RXRA: variants seen among roughly 807,000 people sequenced by gnomAD.
RXRA encodes retinoic acid receptor RXR-alpha.
Under a neutral mutation model 44.5 loss-of-function variants are expected in RXRA, and 5 were observed. The ratio of observed to expected loss-of-function variants is 0.11; its 90% confidence interval spans 0.06 to 0.24. The LOEUF is 0.24. Among genes scored for constraint, RXRA ranks in the 10% least tolerant of loss-of-function variants. The pLI is 1.00. For missense variants in RXRA, 412 were observed against 646.5 expected, an observed-to-expected ratio of 0.64 and a Z score of 3.93; for synonymous variants, 291 against 271.4, an observed-to-expected ratio of 1.07 and a Z score of -0.71.
intron 1 of RXRA, among the ~76,000 whole-genome samples, chr9:134,362,422 CCATT>C (rs1396787021): frequency 6.6e-6 from 1 of 152,346 alleles, no homozygotes; most frequent in African/African-American, 2.4e-5. Context: ...CCGCGTTTCT[CCATT>C]CATGCCACAA....
intron 1 of RXRA, among the ~76,000 whole-genome samples, chr9:134,341,571 AC>A (rs1312147518): frequency 6.6e-6 from 1 of 152,020 alleles, no homozygotes; most frequent in Non-Finnish European, 1.5e-5. Flanking sequence ...TCCAGTCTCC[AC>A]CCGGCTTCCT....
rs565108398 is a variant in RXRA at position 134,403,817 on chromosome 9, C to T, written c.279+1935C>T. 19 of 152,412 alleles carry T rather than the reference C, an allele frequency of 1.2e-4. No homozygotes were observed. The South Asian group carries it at 2.3e-3, about 18-fold the overall frequency. The allele number at this position is 152,412 out of a possible 1,614,324, so 9.4% of individuals were successfully genotyped here. On this transcript the variant is annotated intron_variant, in intron 2 of 9. Transcript: ENST00000481739. ...TTGCTTGGGAGTGAGTGGTGCAGGT[C>T]CCCTTGACATTGGCGAGGTCCCCGG...
intron 1 of RXRA, among the ~76,000 whole-genome samples, chr9:134,372,420 C>A (rs142673750): frequency 4.9e-4 from 75 of 152,300 alleles, no homozygotes; most frequent in African/African-American, 1.7e-3. Flanking sequence ...GAGGGTCCCT[C>A]TTCCTTTGGC....
At position 134,439,994 on chromosome 9, in the gene RXRA, A is replaced by G. The variant is rs928436823; in HGVS notation, c.*3380A>G. 2.6e-5 allele frequency: 4 copies of G among 152,454 alleles called. No homozygotes were observed. The highest frequency in any genetic ancestry group is 5.9e-5 in the Non-Finnish European group (4 of 68,036). 9.4% of individuals were successfully genotyped at this position (152,454 alleles called of 1,614,324 possible). ...CTTTAGCCGTTCCCAATCCTTAGCA[A>G]TGCCTTAGCTGGGACGCATAGCTAA... On this transcript the variant is annotated 3_prime_UTR_variant, in exon 10 of 10. Transcript: ENST00000481739.
At chr9:134,387,127 G>A (rs950531358) in intron 1 of RXRA, among the ~76,000 whole-genome samples, 5 of 152,238 alleles carry the variant, frequency 3.3e-5, no homozygotes, top group Non-Finnish European at 7.4e-5. Context: ...CTTCTCTGCA[G>A]GGAGTGAGGG....
At chr9:134,423,971 G>A (rs1300406933) in intron 6 of RXRA, 18 of 985,258 alleles carry the variant, frequency 1.8e-5, no homozygotes, top group Non-Finnish European at 1.9e-5. Context: ...GGGGCCTGGC[G>A]GAGGTCCGAG....
In RXRA at chr9:134,335,230, G is replaced by A. The variant is rs556194369; in HGVS notation, c.28+8571G>A. 5.9e-5 allele frequency among the ~76,000 whole-genome samples: 9 copies of A among 152,302 alleles called. No individual in the cohort carries two copies. The South Asian group carries it at 1.5e-3, about 25-fold the overall frequency. On this transcript the variant is annotated intron_variant, in intron 1 of 9. Coordinates refer to ENST00000481739, the MANE Select transcript of RXRA (RefSeq NM_002957.6). ...AGGCTGCCCCATGCGATGAGTGAGC[G>A]CCCCTCTGAGTCACAGGCTGTATGG... is the stretch of plus-strand genomic sequence containing the variant.
rs893839393 is a variant in RXRA at position 134,342,502 on chromosome 9, T to C, written c.28+15843T>C. Among the ~76,000 whole-genome samples, 10 of 152,090 alleles carry C rather than the reference T, an allele frequency of 6.6e-5. No individual in the cohort carries two copies. Among genetic ancestry groups the C allele is most frequent in the African/African-American group, 2.4e-4 (10 of 41,408 alleles). ...TGGTCAGGCCCCAGAGGCTTGCACT[T>C]GGGATGGCGTGCTGTGCGCCCTCTT... On this transcript the variant is annotated intron_variant, in intron 1 of 9. Coordinates refer to ENST00000481739, the MANE Select transcript of RXRA (RefSeq NM_002957.6). This position sits in a 1 kb window ranked among gnomAD's most constrained non-coding sequence, Gnocchi z 4.4.
chr9:134,375,814 TTG>T (rs1830548490), intron 1 of RXRA, among the ~76,000 whole-genome samples: 2 of 151,736 alleles, frequency 1.3e-5, no homozygotes, highest in South Asian at 4.2e-4. Context: ...GTGTGAGAGT[TTG>T]TGTTAGTGGC....
chr9:134,361,523 G>C (rs1830351853), intron 1 of RXRA, among the ~76,000 whole-genome samples: 1 of 152,198 alleles, frequency 6.6e-6, no homozygotes, highest in Non-Finnish European at 1.5e-5. Flanking sequence ...TGACAGATGA[G>C]GCCATGGGCA....
At chr9:134,427,883 CTAGAGCGCTCAGGG>C (rs967134943) in intron 6 of RXRA, among the ~76,000 whole-genome samples, 1 of 152,226 alleles carries the variant, frequency 6.6e-6, no homozygotes, top group African/African-American at 2.4e-5. Flanking sequence ...GCTGGAGCCT[CTAGAGCGCTCAGGG>C]AGTGTGGAAG....
chr9:134,355,221 C>T (rs1830268801), intron 1 of RXRA, among the ~76,000 whole-genome samples: 1 of 152,216 alleles, frequency 6.6e-6, no homozygotes, highest in African/African-American at 2.4e-5. Context: ...AGAAGCTGTG[C>T]TGTGGGTGCC....
intron 4 of RXRA, among the ~76,000 whole-genome samples, chr9:134,414,821 C>A (rs1424782069): frequency 6.6e-6 from 1 of 152,202 alleles, no homozygotes; most frequent in Non-Finnish European, 1.5e-5. Flanking sequence ...TGTGCGGGGG[C>A]TTCCTGCCCC....
chr9:134,360,095 C>T (rs1470684185), intron 1 of RXRA, among the ~76,000 whole-genome samples: 2 of 152,212 alleles, frequency 1.3e-5, no homozygotes, highest in South Asian at 2.1e-4. Context: ...ACCATGCTTT[C>T]GAGGCCGCTG....
At position 134,436,797 on chromosome 9, in the gene RXRA, G is replaced by C. The variant is rs184832954; in HGVS notation, c.*183G>C. ...ACCCTCCTTATTTCTGTTACTACTT[G>C]TCTGTGGCCCAGGGCAGTGGCTTTC... On this transcript the variant is annotated 3_prime_UTR_variant, in exon 10 of 10. Transcript: ENST00000481739. The C allele has an allele frequency of 5.8e-4, 399 of 684,786 alleles. 1 individual carries two copies. The highest frequency in any genetic ancestry group is 3.1e-3 in the Middle Eastern group (8 of 2,570). 42.4% of individuals were successfully genotyped at this position (684,786 alleles called of 1,614,324 possible).
At chr9:134,396,379 C>T (rs1380946669) in intron 1 of RXRA, among the ~76,000 whole-genome samples, 4 of 152,152 alleles carry the variant, frequency 2.6e-5, no homozygotes, top group Admixed American at 1.3e-4. Context: ...CATCCCTGTC[C>T]CCGCCAGCGC....
rs1831103956 is a variant in RXRA, at chr9:134,409,038, T to G, written c.529T>G (p.Cys177Gly). ...LTYTCRDNKD[C>G]LIDKRQRNRC... Reference sequence around the variant, plus strand: ...CTACACCTGCCGCGACAACAAGGACTGCCTGATTGACAAGCGGCAGCGGAA... The same window carrying G: ...CTACACCTGCCGCGACAACAAGGACGGCCTGATTGACAAGCGGCAGCGGAA... Residue 177 changes from cysteine (C) to glycine (G), a missense_variant, in exon 4 of 10, where the codon TGC (cysteine) becomes GGC (glycine). Coordinates refer to ENST00000481739, the MANE Select transcript of RXRA (RefSeq NM_002957.6). 6.2e-7 allele frequency: 1 copy of G among 1,612,080 alleles called. No individual in the cohort carries two copies. The highest frequency in any genetic ancestry group is 8.5e-7 in the Non-Finnish European group (1 of 1,179,272).
At chr9:134,338,571 G>A (rs72768778) in intron 1 of RXRA, among the ~76,000 whole-genome samples, 10 of 152,260 alleles carry the variant, frequency 6.6e-5, no homozygotes, top group South Asian at 2.1e-4. Context: ...ACCTGCCTGC[G>A]TGTGGACAGT....
chr9:134,406,680 C>T (rs939543321), intron 2 of RXRA, among the ~76,000 whole-genome samples: 10 of 152,168 alleles, frequency 6.6e-5, no homozygotes, highest in East Asian at 3.9e-4. Flanking sequence ...TTAGTTTGGA[C>T]GAGCTCTGTC....
Sources: allele counts gnomAD v4.1 joint callset (sites outside exome capture counted in the v4.1 genomes callset), GRCh38; gene constraint gnomAD v4.1.1; non-coding constraint Gnocchi (gnomAD v3.1); transcripts MANE v1.5; gene names NCBI Gene and HGNC (gene_info 2026-07-23, HGNC 2026-07-21).